VPS8: variants seen among roughly 807,000 people sequenced by gnomAD.
The protein encoded by VPS8 is VPS8 subunit of CORVET complex, also known as vacuolar protein sorting-associated protein 8 homolog.
VPS8 carries 129 observed loss-of-function variants against 216.4 expected under a neutral mutation model. That is an observed-to-expected ratio of 0.60 (90% CI 0.52 to 0.69). VPS8 has a LOEUF of 0.69. Ranked by LOEUF, VPS8 falls within the 30% of genes least tolerant of loss-of-function variation. VPS8 has a pLI of 0.00. For missense variants in VPS8, 1,531 were observed against 1,683.5 expected (o/e 0.91, Z 1.59); for synonymous variants, 571 against 565.4 (o/e 1.01, Z -0.14).
chr3:184,857,204 A>G (rs1431626398), intron 14 of VPS8, among the ~76,000 whole-genome samples: 1 of 152,260 alleles, frequency 6.6e-6, no homozygotes, highest in Non-Finnish European at 1.5e-5. Context: ...GGTGGAAAAT[A>G]TAATTGAATA....
Position 184,926,486 on chromosome 3 carries a change from C to T in VPS8, c.2575-108C>T, listed in dbSNP as rs114184709. The T allele has an allele frequency of 5.8e-4, 638 of 1,102,804 alleles. 2 individuals carry two copies. In the African/African-American group the frequency reaches 8.1e-3, roughly 14 times the overall value. 68.3% of individuals were successfully genotyped at this position (1,102,804 alleles called of 1,614,324 possible). ...CCTACACCTGTGGTATTTGTTATGT[C>T]TGGGTGTGAATGAGTTGGTTATTTG... On this transcript the variant is annotated intron_variant, in intron 30 of 47. Coordinates refer to ENST00000625842, the MANE Select transcript of VPS8 (RefSeq NM_001009921.3).
At chr3:184,906,637 G>C (rs1735550246) in intron 25 of VPS8, among the ~76,000 whole-genome samples, 1 of 152,158 alleles carries the variant, frequency 6.6e-6, no homozygotes, top group African/African-American at 2.4e-5. Context: ...TGGGGAAATA[G>C]GCAGTTCTTT....
chr3:184,977,663 G>A (rs1749500274), intron 40 of VPS8, among the ~76,000 whole-genome samples: 5 of 151,134 alleles, frequency 3.3e-5, no homozygotes. Flanking sequence ...TCATTCTTCT[G>A]CATATGGATA....
At chr3:184,897,078 A>G (rs1333168495) in intron 23 of VPS8, among the ~76,000 whole-genome samples, 1 of 152,242 alleles carries the variant, frequency 6.6e-6, no homozygotes, top group East Asian at 1.9e-4. Flanking sequence ...AGGGCAAGGT[A>G]TAGATCTTTC....
chr3:184,998,022 G>C (rs181635700), intron 44 of VPS8, among the ~76,000 whole-genome samples: 4 of 152,228 alleles, frequency 2.6e-5, no homozygotes, highest in Non-Finnish European at 4.4e-5. Flanking sequence ...GAGAGCCTTG[G>C]CATTCTTGAG....
Position 184,855,796 on chromosome 3 carries a change from G to C in VPS8, c.1121G>C (p.Gly374Ala). The change falls in exon 14 of 48, where the codon GGA becomes GCA. Residue 374 changes from glycine (G) to alanine (A), a missense_variant. Gly to Ala is a moderately conservative substitution (Grantham distance 60). Coordinates refer to ENST00000625842, the MANE Select transcript of VPS8 (RefSeq NM_001009921.3). ...YVNPMLAFCR[G>A]DVVHFLLVKR... Reference sequence around the variant, plus strand: ...AATCCCATGCTTGCCTTCTGCAGAGGAGATGTTGTTCATTTTCTATTGGTA... The same window carrying C: ...AATCCCATGCTTGCCTTCTGCAGAGCAGATGTTGTTCATTTTCTATTGGTA... The C allele has an allele frequency of 6.2e-7, 1 of 1,613,342 alleles. No homozygotes were observed. Among genetic ancestry groups the C allele is most frequent in the South Asian group, 1.1e-5 (1 of 90,964 alleles).
intron 35 of VPS8, among the ~76,000 whole-genome samples, chr3:184,937,573 T>TATGTGA (rs1330066488): frequency 1.3e-5 from 2 of 152,166 alleles, no homozygotes; most frequent in African/African-American, 4.8e-5. Flanking sequence ...ACACTAGAGA[T>TATGTGA]ATGTGAAAAG....
chr3:184,951,429 G>A (rs1042101189), intron 36 of VPS8, among the ~76,000 whole-genome samples: 1 of 121,284 alleles, frequency 8.2e-6, no homozygotes, highest in African/African-American at 2.7e-5. Context: ...AGATTGCAGT[G>A]AGTTGAAATT....
At chr3:184,857,069 T>C (rs2108693259) in intron 14 of VPS8, among the ~76,000 whole-genome samples, 1 of 152,296 alleles carries the variant, frequency 6.6e-6, no homozygotes, top group South Asian at 2.1e-4. Flanking sequence ...TCTTCCCCAC[T>C]AGACAGAAAG....
chr3:184,951,783 A>G (rs1039764311), intron 36 of VPS8, among the ~76,000 whole-genome samples: 3 of 152,230 alleles, frequency 2.0e-5, no homozygotes, highest in African/African-American at 7.2e-5. Context: ...ATTTATGTGC[A>G]AGACTGATAA....
intron 1 of VPS8, chr3:184,817,566 A>T (rs1273356730): frequency 6.6e-6 from 1 of 152,216 alleles, no homozygotes; most frequent in African/African-American, 2.4e-5. Flanking sequence ...GTTGATAAAT[A>T]TGACCTGCAG....
chr3:184,840,096 TC>T, intron 7 of VPS8: 1 of 189,908 alleles, frequency 5.3e-6, no homozygotes, highest in Non-Finnish European at 1.0e-5. Flanking sequence ...TGAATCACCT[TC>T]CAGTAATGGG....
intron 25 of VPS8, among the ~76,000 whole-genome samples, chr3:184,902,829 CAA>C (rs200582217): frequency 6.3e-4 from 68 of 107,712 alleles, no homozygotes; most frequent in Admixed American, 7.2e-4. Flanking sequence ...GATGCTGTCT[CAA>C]AAAAAAAAAA....
At chr3:184,939,937 G>A (rs1742352607) in intron 35 of VPS8, among the ~76,000 whole-genome samples, 1 of 152,110 alleles carries the variant, frequency 6.6e-6, no homozygotes, top group Non-Finnish European at 1.5e-5. Context: ...ATTTGTCTCA[G>A]TAGAGGTCTG....
At chr3:184,895,835 T>C (rs1251471739) in intron 23 of VPS8, among the ~76,000 whole-genome samples, 1 of 150,224 alleles carries the variant, frequency 6.7e-6, no homozygotes, top group Non-Finnish European at 1.5e-5. Context: ...GGCTTCACCA[T>C]GTTGGGCAGG....
At chr3:184,914,512 T>G (rs1414917658) in intron 26 of VPS8, among the ~76,000 whole-genome samples, 1 of 152,210 alleles carries the variant, frequency 6.6e-6, no homozygotes, top group Admixed American at 6.5e-5. Flanking sequence ...TCTCCCCGGT[T>G]TGTCCTGTCG....
chr3:184,834,666 A>AT lies in VPS8; in HGVS notation c.373dup (p.Ser125PhefsTer26). ...TTTTTCAGGAAGAAGAAATTACCTG[A>AT]TTCTTTTTCACTTCATGGATCAGTT... On this transcript the variant is annotated frameshift_variant, in exon 5 of 48. Transcript: ENST00000625842. LOFTEE classifies it high-confidence loss of function. 1.3e-6 allele frequency: 2 copies of AT among 1,543,886 alleles called. No homozygotes were observed. Among genetic ancestry groups the AT allele is most frequent in the Non-Finnish European group, 1.7e-6 (2 of 1,145,132 alleles).
intron 47 of VPS8, among the ~76,000 whole-genome samples, chr3:185,050,326 G>A (rs539407584): frequency 6.6e-6 from 1 of 152,042 alleles, no homozygotes; most frequent in Non-Finnish European, 1.5e-5. Flanking sequence ...CTGGAGTAGT[G>A]CTTGAGTCAG....
intron 25 of VPS8, among the ~76,000 whole-genome samples, chr3:184,906,095 G>C (rs1488111725): frequency 6.6e-6 from 1 of 152,060 alleles, no homozygotes; most frequent in Non-Finnish European, 1.5e-5. Context: ...AGTGTTTACA[G>C]CTACAAATAT....
Sources: gnomAD v4.1 joint callset for allele counts (sites outside exome capture counted in the v4.1 genomes callset) on GRCh38, gnomAD v4.1.1 for gene constraint, MANE v1.5 for transcripts, NCBI Gene and HGNC (gene_info 2026-07-23, HGNC 2026-07-21) for gene names.